The following SMOC1 variants were observed in gnomAD, a reference collection of about 807,000 sequenced individuals.
SMOC1 encodes SPARC-related modular calcium-binding protein 1.
A neutral mutation model predicts 56.3 loss-of-function variants in SMOC1; 22 were observed. The observed-to-expected ratio is 0.39, with a 90% CI of 0.28 to 0.56. The LOEUF (loss-of-function observed/expected upper bound fraction) is 0.56, where lower values mean the gene tolerates loss of function less well. SMOC1 is among the 20% of genes least tolerant of loss of function. The probability of loss-of-function intolerance (pLI) is 0.61; values close to 1 mark genes in which losing one functional copy is unlikely to be tolerated. For synonymous variants in SMOC1, 193 were observed against 215.0 expected (o/e 0.90, Z 0.89); for missense variants, 509 against 565.4 (o/e 0.90, Z 1.01).
chr14:69,994,366 C>T (rs779510142), intron 6 of SMOC1, 34 bp from the exon 7 acceptor site: 3 of 1,553,420 alleles, frequency 1.9e-6, no homozygotes, highest in South Asian at 1.1e-5. Flanking sequence ...TCTCTTTGCC[C>T]AGACTTTTTC....
intron 1 of SMOC1, among the ~76,000 whole-genome samples, chr14:69,936,133 T>A (rs139841334): frequency 6.6e-6 from 1 of 152,182 alleles, no homozygotes; most frequent in Non-Finnish European, 1.5e-5. Flanking sequence ...ATTCTCCCAG[T>A]TGACGACATA....
chr14:70,027,428 G>C (rs574011607), intron 11 of SMOC1, among the ~76,000 whole-genome samples: 1 of 152,218 alleles, frequency 6.6e-6, no homozygotes, highest in Admixed American at 6.5e-5. Flanking sequence ...TGGGGGCAGC[G>C]TGGGCAGGAG....
intron 1 of SMOC1, among the ~76,000 whole-genome samples, chr14:69,906,591 T>C (rs531304239): frequency 1.3e-3 from 193 of 152,338 alleles, no homozygotes; most frequent in African/African-American, 4.4e-3. Context: ...GTGAGCATTA[T>C]AAAATTGTTA....
chr14:70,030,146 A>G, intron 11 of SMOC1, 96 bp from the exon 12 acceptor site: 2 of 1,570,468 alleles, frequency 1.3e-6, no homozygotes, highest in East Asian at 2.2e-5. Context: ...ATTGATGGAC[A>G]TAGCTGGATT....
chr14:69,991,909 G>A (rs1884580522), intron 5 of SMOC1, among the ~76,000 whole-genome samples: 1 of 152,194 alleles, frequency 6.6e-6, no homozygotes, highest in South Asian at 2.1e-4. Context: ...GAGGAGATTG[G>A]AAGGGAATGG....
At chr14:69,881,379 G>C (rs543743127) in intron 1 of SMOC1, among the ~76,000 whole-genome samples, 1 of 152,098 alleles carries the variant, frequency 6.6e-6, no homozygotes, top group South Asian at 2.1e-4. Context: ...GACAAATGGT[G>C]GGGGGCTCGT....
chr14:69,997,498 G>A lies in SMOC1; in HGVS notation c.664+3018G>A, dbSNP rs182310540. ...TGAGAGGTTTGGTGAGCTTGGGAAA[G>A]TTAATTAACTTCCCTGAGTCTTGAT... On this transcript the variant is annotated intron_variant, in intron 7 of 11. Transcript: ENST00000361956. 7.4e-4 allele frequency among the ~76,000 whole-genome samples: 113 copies of A among 152,344 alleles called. 1 individual carries two copies. Among genetic ancestry groups the A allele is most frequent in the Non-Finnish European group, 1.3e-4 (9 of 68,032 alleles).
intron 1 of SMOC1, among the ~76,000 whole-genome samples, chr14:69,915,964 T>A (rs1385315309): frequency 6.6e-6 from 1 of 152,228 alleles, no homozygotes; most frequent in African/African-American, 2.4e-5. Flanking sequence ...TTTCTAATTT[T>A]ATGGTTTAAA....
At chr14:69,977,421 G>A (rs931680238) in intron 4 of SMOC1, among the ~76,000 whole-genome samples, 2 of 152,220 alleles carry the variant, frequency 1.3e-5, no homozygotes, top group East Asian at 3.9e-4. Context: ...GTACAATTGG[G>A]CCAACAATTT....
Position 69,970,953 on chromosome 14 carries a change from T to C in SMOC1, c.379-4762T>C, listed in dbSNP as rs77469514. Among the ~76,000 whole-genome samples the C allele has an allele frequency of 1.4e-3, 211 of 152,296 alleles. 2 individuals carry two copies. Among genetic ancestry groups the C allele is most frequent in the African/African-American group, 4.9e-3 (203 of 41,562 alleles). On this transcript the variant is annotated intron_variant, in intron 3 of 11. Transcript: ENST00000361956. ...GCTTCTTGCCAAAAATATTAAAGTGTATGAGGCAGAGATGAAACTTACTTA... is the reference window on the plus strand; with the variant it reads ...GCTTCTTGCCAAAAATATTAAAGTGCATGAGGCAGAGATGAAACTTACTTA...
intron 3 of SMOC1, among the ~76,000 whole-genome samples, chr14:69,954,041 A>G (rs972097242): frequency 2.6e-5 from 4 of 152,148 alleles, no homozygotes; most frequent in African/African-American, 9.7e-5. Context: ...ACATACAGGT[A>G]TGCATATACT....
intron 4 of SMOC1, among the ~76,000 whole-genome samples, chr14:69,976,771 AT>A (rs1883975329): frequency 6.6e-6 from 1 of 152,188 alleles, no homozygotes; most frequent in Non-Finnish European, 1.5e-5. Flanking sequence ...ATTGATTTAC[AT>A]ATTTTTCATT....
At chr14:69,897,428 A>G (rs1884128426) in intron 1 of SMOC1, among the ~76,000 whole-genome samples, 1 of 152,194 alleles carries the variant, frequency 6.6e-6, no homozygotes, top group African/African-American at 2.4e-5. Context: ...AATATCTACT[A>G]TATTTGCTAC....
chr14:70,007,589 A>G (rs1383995974), intron 7 of SMOC1, among the ~76,000 whole-genome samples: 2 of 152,310 alleles, frequency 1.3e-5, no homozygotes, highest in East Asian at 1.9e-4. Flanking sequence ...AAATAAATTT[A>G]TTTGTCTCCT....
chr14:69,922,413 G>T (rs976476631), intron 1 of SMOC1, among the ~76,000 whole-genome samples: 14 of 152,174 alleles, frequency 9.2e-5, no homozygotes, highest in Non-Finnish European at 1.6e-4. Flanking sequence ...GTGTTGGAGT[G>T]TGGCCCAAGG....
rs1886115507 is a variant in SMOC1 at position 70,030,609 on chromosome 14, T to A, written c.*351T>A. 3.5e-6 allele frequency: 1 copy of A among 284,646 alleles called. No homozygotes were observed. The highest frequency in any genetic ancestry group is 9.0e-5 in the South Asian group (1 of 11,060). The allele number at this position is 284,646 out of a possible 1,614,324, so 17.6% of individuals were successfully genotyped here. A position where few individuals can be genotyped will look rare whatever the true frequency, so the allele number is the denominator to read the frequency against. On this transcript the variant is annotated 3_prime_UTR_variant, in exon 12 of 12. Transcript: ENST00000361956. ...GATTTATATGCTGTATATAAATATA[T>A]ATGTAAATTGTATAGTTCTTTTGTA...
chr14:69,900,213 A>G (rs1884206317), intron 1 of SMOC1, among the ~76,000 whole-genome samples: 2 of 152,170 alleles, frequency 1.3e-5, no homozygotes, highest in African/African-American at 4.8e-5. Flanking sequence ...AGAGCCAGCC[A>G]TGTGGGAAGC....
intron 8 of SMOC1, among the ~76,000 whole-genome samples, 186 bp from the exon 9 acceptor site, chr14:70,011,299 C>T (rs933536898): frequency 3.9e-5 from 6 of 152,174 alleles, no homozygotes; most frequent in African/African-American, 1.4e-4. Context: ...CATGCCTGAA[C>T]ATGTCTCAGT....
intron 1 of SMOC1, among the ~76,000 whole-genome samples, chr14:69,937,167 G>T (rs1423986601): frequency 6.6e-6 from 1 of 152,052 alleles, no homozygotes; most frequent in Admixed American, 6.5e-5. Flanking sequence ...CATTCTCTCT[G>T]GGAGTAGATC....
Sources: allele counts gnomAD v4.1 joint callset (sites outside exome capture counted in the v4.1 genomes callset), GRCh38; gene constraint gnomAD v4.1.1; transcripts MANE v1.5; gene names NCBI Gene and HGNC (gene_info 2026-07-23, HGNC 2026-07-21).